NALF1: variants seen among roughly 807,000 people sequenced by gnomAD.
The protein encoded by NALF1 is NALCN channel auxiliary factor 1.
NALF1 carries 3 observed loss-of-function variants against 48.4 expected under a neutral mutation model. That is an observed-to-expected ratio of 0.06 (90% confidence interval 0.03 to 0.16). The LOEUF (loss-of-function observed/expected upper bound fraction) is 0.16. NALF1 is among the 10% of genes least tolerant of loss of function. NALF1 has a pLI of 1.00. For missense variants in NALF1, 526 were observed against 571.5 expected (o/e 0.92, Z 0.81); for synonymous variants, 262 against 245.7 (o/e 1.07, Z -0.62).
At chr13:107,807,167 T>C (rs1423413074) in intron 1 of NALF1, among the ~76,000 whole-genome samples, 1 of 152,200 alleles carries the variant, frequency 6.6e-6, no homozygotes, top group Non-Finnish European at 1.5e-5. Flanking sequence ...GTAAATATGA[T>C]TATATTGATA....
chr13:107,632,854 A>G (rs1001421284), intron 1 of NALF1, among the ~76,000 whole-genome samples: 6 of 152,004 alleles, frequency 3.9e-5, no homozygotes, highest in Non-Finnish European at 2.9e-5. Context: ...CTAGAGGAAA[A>G]ACAAGCCCAG....
chr13:107,715,572 T>C (rs1262499791), intron 1 of NALF1, among the ~76,000 whole-genome samples: 1 of 152,224 alleles, frequency 6.6e-6, no homozygotes, highest in Non-Finnish European at 1.5e-5. Flanking sequence ...GAAGAGGCTA[T>C]GGCAGAGTTG....
chr13:107,808,316 C>T (rs1458275740), intron 1 of NALF1, among the ~76,000 whole-genome samples: 1 of 152,092 alleles, frequency 6.6e-6, no homozygotes, highest in South Asian at 2.1e-4. Flanking sequence ...ACACAAGTGA[C>T]TCCATTCTAA....
chr13:107,634,187 C>T (rs1228356649), intron 1 of NALF1, among the ~76,000 whole-genome samples: 1 of 151,880 alleles, frequency 6.6e-6, no homozygotes, highest in Non-Finnish European at 1.5e-5. Flanking sequence ...AGTGACAGAC[C>T]TCTGGAAAGG....
chr13:107,299,506 T>C (rs1383917478), intron 1 of NALF1, among the ~76,000 whole-genome samples: 1 of 149,732 alleles, frequency 6.7e-6, no homozygotes, highest in Non-Finnish European at 1.5e-5. Flanking sequence ...AGGATATAAT[T>C]TGAGGCTACA....
chr13:107,430,546 G>C (rs532580429), intron 1 of NALF1, among the ~76,000 whole-genome samples: 1 of 152,034 alleles, frequency 6.6e-6, no homozygotes, highest in Non-Finnish European at 1.5e-5. Flanking sequence ...GAGAACATGC[G>C]GTGGTTGGTT....
intron 1 of NALF1, among the ~76,000 whole-genome samples, chr13:107,425,046 C>T (rs1220134518): frequency 6.6e-6 from 1 of 152,112 alleles, no homozygotes; most frequent in East Asian, 1.9e-4. Flanking sequence ...GTTAGACAAA[C>T]CACGTCTTCT....
chr13:107,843,303 T>C (rs1880089050), intron 1 of NALF1, among the ~76,000 whole-genome samples: 2 of 152,136 alleles, frequency 1.3e-5, no homozygotes, highest in African/African-American at 4.8e-5. Flanking sequence ...GTTAAGGAAA[T>C]AGCGTGAAGT....
chr13:107,798,976 T>G (rs1264249451), intron 1 of NALF1, among the ~76,000 whole-genome samples: 1 of 152,248 alleles, frequency 6.6e-6, no homozygotes, highest in African/African-American at 2.4e-5. Context: ...TGCCTTATAA[T>G]TAGTCTCATT....
At chr13:107,530,464 G>A (rs1251250134) in intron 1 of NALF1, among the ~76,000 whole-genome samples, 1 of 152,064 alleles carries the variant, frequency 6.6e-6, no homozygotes, top group Non-Finnish European at 1.5e-5. Context: ...TATCCATATA[G>A]ACTGAAGCAA....
chr13:107,463,438 G>T (rs530578126), intron 1 of NALF1, among the ~76,000 whole-genome samples: 1 of 152,172 alleles, frequency 6.6e-6, no homozygotes, highest in Non-Finnish European at 1.5e-5. Flanking sequence ...AGGAAGGAAA[G>T]GATGTTGCTG....
chr13:107,649,603 C>T (rs1466194555), intron 1 of NALF1, among the ~76,000 whole-genome samples: 1 of 152,058 alleles, frequency 6.6e-6, no homozygotes, highest in African/African-American at 2.4e-5. Flanking sequence ...TACCTTTATT[C>T]AATCCTCTTT....
intron 1 of NALF1, among the ~76,000 whole-genome samples, chr13:107,740,476 A>G (rs1047470957): frequency 2.0e-5 from 3 of 152,244 alleles, no homozygotes; most frequent in African/African-American, 4.8e-5. Context: ...AATACTTAAA[A>G]TCAACTAAAT....
chr13:107,653,384 T>C (rs780088937), intron 1 of NALF1, among the ~76,000 whole-genome samples: 1 of 152,050 alleles, frequency 6.6e-6, no homozygotes, highest in African/African-American at 2.4e-5. Flanking sequence ...GTAATAGAAT[T>C]ATCTGCCTAC....
intron 1 of NALF1, among the ~76,000 whole-genome samples, chr13:107,855,908 G>A (rs984765072): frequency 4.0e-5 from 6 of 150,636 alleles, no homozygotes; most frequent in African/African-American, 9.9e-5. Context: ...CCCTAAGAGC[G>A]AGAATTTTTT....
At chr13:107,515,630 A>G (rs976814430) in intron 1 of NALF1, among the ~76,000 whole-genome samples, 1 of 152,170 alleles carries the variant, frequency 6.6e-6, no homozygotes, top group African/African-American at 2.4e-5. Context: ...ATTCTTACGC[A>G]TGTATTCTGT....
chr13:107,863,137 G>C (rs1002897870), intron 1 of NALF1, among the ~76,000 whole-genome samples: 1 of 151,780 alleles, frequency 6.6e-6, no homozygotes, highest in Admixed American at 6.6e-5. Context: ...CCTTCAGAAA[G>C]GAAAAATTTT....
chr13:107,794,614 A>G (rs1878357617), intron 1 of NALF1, among the ~76,000 whole-genome samples: 1 of 151,490 alleles, frequency 6.6e-6, no homozygotes, highest in Non-Finnish European at 1.5e-5. Context: ...GCCAGTTTCT[A>G]CAAGTATTCT....
At chr13:107,631,379 G>A (rs1177165601) in intron 1 of NALF1, among the ~76,000 whole-genome samples, 1 of 152,104 alleles carries the variant, frequency 6.6e-6, no homozygotes, top group African/African-American at 2.4e-5. Context: ...CAGACTCTGA[G>A]AATATAAAAC....
Sources: allele counts gnomAD v4.1 joint callset (sites outside exome capture counted in the v4.1 genomes callset), GRCh38; gene constraint gnomAD v4.1.1; transcripts MANE v1.5; gene names NCBI Gene and HGNC (gene_info 2026-07-23, HGNC 2026-07-21).